The following RAB9B variants were observed in gnomAD, a reference collection of about 807,000 sequenced individuals.
RAB9B encodes RAB9B, member RAS oncogene family.
RAB9B carries 1 observed loss-of-function variant against 8.9 expected under a neutral mutation model. That is an observed-to-expected ratio of 0.11 (90% CI 0.04 to 0.53). The LOEUF is 0.53. RAB9B is among the 20% of genes least tolerant of loss of function. The pLI, the probability that RAB9B is intolerant of heterozygous loss-of-function variation, is 0.93. For synonymous variants in RAB9B, 63 were observed against 57.0 expected (o/e 1.10, Z -0.47); for missense variants, 82 against 152.9 (o/e 0.54, Z 2.45).
chrX:103,813,468 GT>G, the RAB9B span, among the ~76,000 whole-genome samples: 1 of 90,691 alleles, frequency 1.1e-5, no homozygotes, highest in South Asian at 4.5e-4. Context: ...GTTTTTGTTT[GT>G]TCGTTTGTTT....
chrX:103,810,473 T>C, the RAB9B span, among the ~76,000 whole-genome samples: 1 of 112,356 alleles, frequency 8.9e-6, no homozygotes, highest in Non-Finnish European at 1.9e-5. Flanking sequence ...TCCAGGAATC[T>C]GCATTTTAAC....
At chrX:103,789,122 A>C in the RAB9B span, 3 of 466,518 alleles carry the variant, frequency 6.4e-6, no homozygotes, top group East Asian at 1.1e-4. Context: ...TTTCATGACT[A>C]TTCTGTGATC....
the RAB9B span, among the ~76,000 whole-genome samples, chrX:103,782,784 T>C: frequency 6.7e-5 from 3 of 44,467 alleles, no homozygotes; most frequent in South Asian, 1.8e-3. Flanking sequence ...GTTCCCTGAG[T>C]CTGACCCCCT....
the RAB9B span, among the ~76,000 whole-genome samples, chrX:103,796,879 T>G: frequency 5.7e-4 from 36 of 63,548 alleles, no homozygotes; most frequent in Non-Finnish European, 1.0e-3. Flanking sequence ...AAAAAAAAAG[T>G]ACTCCAGCAT....
At chrX:103,785,183 A>T in the RAB9B span, among the ~76,000 whole-genome samples, 1 of 110,080 alleles carries the variant, frequency 9.1e-6, no homozygotes, top group Non-Finnish European at 1.9e-5. Flanking sequence ...GGTTTAACAG[A>T]TTCTCCTGTC....
chrX:103,788,100 T>C, the RAB9B span: 7 of 573,144 alleles, frequency 1.2e-5, no homozygotes, highest in African/African-American at 1.3e-4. Context: ...TCTTAGTTTA[T>C]TAATCCTTCC....
Position 103,825,793 on chromosome X carries a change from C to T in RAB9B, c.-9G>A, listed in dbSNP as rs375787676. 6.1e-6 allele frequency: 7 copies of T among 1,156,077 alleles called. No individual in the cohort carries two copies. In the African/African-American group the frequency reaches 1.3e-4, roughly 21 times the overall value. On this transcript the variant is annotated 5_prime_UTR_variant, in exon 3 of 3. Transcript: ENST00000243298. ...AGGGATTTCCCACTCATTTTTGCAG[C>T]ACCAGAAGGGAAGGAGTTTGTAACC...
At chrX:103,811,641 T>C in the RAB9B span, among the ~76,000 whole-genome samples, 1 of 111,295 alleles carries the variant, frequency 9.0e-6, no homozygotes, top group African/African-American at 3.3e-5. Flanking sequence ...GCTTTCCAAC[T>C]CAATTTAGTA....
At chrX:103,781,178 C>T in the RAB9B span, 7 of 239,696 alleles carry the variant, frequency 2.9e-5, no homozygotes, top group African/African-American at 2.0e-4. Flanking sequence ...ACTGAATTTC[C>T]ATCATGGAGC....
the RAB9B span, among the ~76,000 whole-genome samples, chrX:103,801,205 G>T: frequency 9.0e-6 from 1 of 110,589 alleles, no homozygotes; most frequent in South Asian, 4.0e-4. Flanking sequence ...CAGTGTTCCA[G>T]CACCCCATTC....
In RAB9B at chrX:103,824,560, T is replaced by C. The variant is rs1301653363; in HGVS notation, c.*619A>G. On this transcript the variant is annotated 3_prime_UTR_variant, in exon 3 of 3. Transcript: ENST00000243298. ...CAATTGCCAGTGTCATTAGAGTATCTCTTATTGAGATGGGATTTTTTGAAA... is the reference window on the plus strand; with the variant it reads ...CAATTGCCAGTGTCATTAGAGTATCCCTTATTGAGATGGGATTTTTTGAAA... The C allele has an allele frequency of 8.9e-6, 1 of 112,315 alleles. No homozygotes were observed. Among genetic ancestry groups the C allele is most frequent in the Non-Finnish European group, 1.9e-5 (1 of 53,292 alleles). 9.3% of individuals were successfully genotyped at this position (112,315 alleles called of 1,213,427 possible). A position where few individuals can be genotyped will look rare whatever the true frequency, so the allele number is the denominator to read the frequency against.
downstream of RAB9B, among the ~76,000 whole-genome samples, chrX:103,820,285 T>C (rs2074654337): frequency 8.9e-6 from 1 of 112,230 alleles, no homozygotes; most frequent in Non-Finnish European, 1.9e-5. Flanking sequence ...CACTGCACTG[T>C]AGTAAATTTT....
At chrX:103,789,067 G>A in the RAB9B span, 4 of 398,722 alleles carry the variant, frequency 1.0e-5, no homozygotes, top group African/African-American at 2.5e-5. Context: ...GGGCCCCTGG[G>A]CACAACTGTA....
At chrX:103,788,225 G>A in the RAB9B span, among the ~76,000 whole-genome samples, 1 of 111,795 alleles carries the variant, frequency 8.9e-6, no homozygotes, top group Admixed American at 9.5e-5. Context: ...CCCCAAAGCA[G>A]CACATTTCAA....
chrX:103,802,005 C>T, the RAB9B span, among the ~76,000 whole-genome samples: 68 of 111,275 alleles, frequency 6.1e-4, no homozygotes, highest in African/African-American at 2.2e-3. Context: ...CACTGTGCAA[C>T]TTATGTAACC....
rs2074676384 is a variant in RAB9B at position 103,824,715 on chromosome X, A to ATT, written c.*462_*463dup. On this transcript the variant is annotated 3_prime_UTR_variant, in exon 3 of 3. Coordinates refer to ENST00000243298, the MANE Select transcript of RAB9B (RefSeq NM_016370.4). Reference sequence around the variant, plus strand: ...AATCCTTATTTGCATTATTATTTTTATTGTAATACAGCTCAAAGTCTGATT... The same window carrying ATT: ...AATCCTTATTTGCATTATTATTTTTATTTTGTAATACAGCTCAAAGTCTGATT... The ATT allele has an allele frequency of 8.9e-6, 1 of 111,914 alleles. No individual in the cohort carries two copies. Among genetic ancestry groups the ATT allele is most frequent in the Admixed American group, 9.4e-5 (1 of 10,592 alleles). 9.2% of individuals were successfully genotyped at this position (111,914 alleles called of 1,213,427 possible). A position where few individuals can be genotyped will look rare whatever the true frequency, so the allele number is the denominator to read the frequency against.
At chrX:103,786,168 C>T in the RAB9B span, 1 of 1,117,389 alleles carries the variant, frequency 8.9e-7, no homozygotes, top group Non-Finnish European at 1.2e-6. Flanking sequence ...CTCCCTACTC[C>T]TGTGAGTTAG....
chrX:103,780,728 T>A, the RAB9B span: 2 of 112,504 alleles, frequency 1.8e-5, no homozygotes, highest in African/African-American at 3.2e-5. Flanking sequence ...GGGCATTGTC[T>A]GACCAGGACG....
chrX:103,790,909 A>G, the RAB9B span: 1 of 317,570 alleles, frequency 3.1e-6, no homozygotes, highest in Admixed American at 5.1e-5. Flanking sequence ...GCATCTCCTG[A>G]GGATCAGAAA....
Sources: gnomAD v4.1 joint callset for allele counts (sites outside exome capture counted in the v4.1 genomes callset) on GRCh38, gnomAD v4.1.1 for gene constraint, MANE v1.5 for transcripts, NCBI Gene and HGNC (gene_info 2026-07-23, HGNC 2026-07-21) for gene names.